The following ZCWPW2 variants were observed in gnomAD, a reference collection of about 807,000 sequenced individuals.
ZCWPW2 encodes the protein zinc finger CW-type and PWWP domain containing 2.
A neutral mutation model predicts 46.6 loss-of-function variants in ZCWPW2; 45 were observed. That is an observed-to-expected ratio of 0.96 (90% CI 0.76 to 1.24). The LOEUF is 1.24. Among genes scored for constraint, ZCWPW2 ranks in the 50% most tolerant of loss-of-function variants. The probability of loss-of-function intolerance (pLI) is 0.00; values close to 1 mark genes in which losing one functional copy is unlikely to be tolerated. For synonymous variants in ZCWPW2, 152 were observed against 137.1 expected (o/e 1.11, Z -0.76); for missense variants, 429 against 403.9 (o/e 1.06, Z -0.53).
At chr3:28,394,711 A>T (rs1039012513) in intron 2 of ZCWPW2, among the ~76,000 whole-genome samples, 1 of 152,152 alleles carries the variant, frequency 6.6e-6, no homozygotes, top group African/African-American at 2.4e-5. Flanking sequence ...TTCACATGCA[A>T]AAGAATTAAA....
At chr3:28,475,901 C>T (rs1699222509) in intron 4 of ZCWPW2, among the ~76,000 whole-genome samples, 1 of 152,218 alleles carries the variant, frequency 6.6e-6, no homozygotes. Flanking sequence ...GCACTTATCA[C>T]CTCTTACACT....
At chr3:28,510,102 A>G (rs2125830772) in intron 6 of ZCWPW2, among the ~76,000 whole-genome samples, 1 of 152,314 alleles carries the variant, frequency 6.6e-6, no homozygotes, top group South Asian at 2.1e-4. Context: ...CCTTTGCTAA[A>G]AATCAGTTGA....
intron 2 of ZCWPW2, among the ~76,000 whole-genome samples, chr3:28,392,940 G>A (rs965297729): frequency 2.0e-5 from 3 of 151,442 alleles, no homozygotes; most frequent in African/African-American, 7.3e-5. Context: ...GGGAAATAAA[G>A]ATTAGTGCAG....
rs747315490 is a variant in ZCWPW2 at position 28,413,038 on chromosome 3, C to T, written c.-13-18C>T. The T allele has an allele frequency of 1.3e-5, 21 of 1,562,544 alleles. No individual in the cohort carries two copies. In the African/African-American group the frequency reaches 2.6e-4, roughly 19 times the overall value. ...CTTGAATCCTCATTCTGTTATTTTC[C>T]TCTTTCTTATTTTCCAGATTAAATG... is the stretch of plus-strand genomic sequence containing the variant. On this transcript the variant is annotated intron_variant, in intron 2 of 9. Coordinates refer to ENST00000383768, the MANE Select transcript of ZCWPW2 (RefSeq NM_001040432.4).
chr3:28,410,194 T>C (rs1696345614), intron 2 of ZCWPW2, among the ~76,000 whole-genome samples: 1 of 152,096 alleles, frequency 6.6e-6, no homozygotes, highest in Non-Finnish European at 1.5e-5. Flanking sequence ...AACATGTATA[T>C]ATTTAATAAG....
intron 2 of ZCWPW2, among the ~76,000 whole-genome samples, chr3:28,401,452 C>T (rs755401873): frequency 2.0e-5 from 3 of 152,032 alleles, no homozygotes; most frequent in African/African-American, 7.3e-5. Context: ...ACTAATAGAC[C>T]TAAGAAATGA....
intron 4 of ZCWPW2, among the ~76,000 whole-genome samples, chr3:28,475,317 T>G (rs981246428): frequency 2.0e-5 from 3 of 152,294 alleles, no homozygotes; most frequent in African/African-American, 7.2e-5. Context: ...CATCAAATTA[T>G]GTCCAGAATC....
chr3:28,484,773 C>G (rs1170931588), intron 5 of ZCWPW2, among the ~76,000 whole-genome samples: 1 of 150,568 alleles, frequency 6.6e-6, no homozygotes, highest in African/African-American at 2.4e-5. Context: ...TTCCTGTCTT[C>G]CTTCTGTCCT....
chr3:28,510,729 G>A (rs1408920488), intron 6 of ZCWPW2, among the ~76,000 whole-genome samples: 1 of 152,042 alleles, frequency 6.6e-6, no homozygotes, highest in Admixed American at 6.6e-5. Flanking sequence ...CTGTTTCACT[G>A]TGCATCAGAG....
At chr3:28,488,684 C>T (rs1254864419) in intron 5 of ZCWPW2, among the ~76,000 whole-genome samples, 1 of 152,114 alleles carries the variant, frequency 6.6e-6, no homozygotes. Flanking sequence ...CATTTACTAC[C>T]TGCAGCTCCT....
chr3:28,459,751 A>G (rs1698557308), intron 4 of ZCWPW2, among the ~76,000 whole-genome samples: 1 of 152,152 alleles, frequency 6.6e-6, no homozygotes, highest in African/African-American at 2.4e-5. Context: ...ATCACACTGT[A>G]TGACTGGCAT....
chr3:28,431,876 G>T (rs1160393209), intron 3 of ZCWPW2, among the ~76,000 whole-genome samples: 2 of 152,144 alleles, frequency 1.3e-5, no homozygotes, highest in Admixed American at 6.6e-5. Context: ...TCACAGTTCA[G>T]CATGGCTGGG....
At chr3:28,352,167 CGA>C (rs1553627187) in intron 1 of ZCWPW2, among the ~76,000 whole-genome samples, 3 of 147,616 alleles carry the variant, frequency 2.0e-5, no homozygotes, top group African/African-American at 7.7e-5. Context: ...CACACACACA[CGA>C]GAGAGAATTA....
At chr3:28,426,993 C>T (rs1319969106) in intron 3 of ZCWPW2, among the ~76,000 whole-genome samples, 3 of 152,292 alleles carry the variant, frequency 2.0e-5, no homozygotes, top group Non-Finnish European at 4.4e-5. Flanking sequence ...TCCCTTGAGC[C>T]TACTTGTCCT....
chr3:28,504,322 A>C (rs1700222568), intron 6 of ZCWPW2, among the ~76,000 whole-genome samples: 1 of 152,140 alleles, frequency 6.6e-6, no homozygotes, highest in African/African-American at 2.4e-5. Flanking sequence ...AACATTTTAA[A>C]AATAATTTTT....
intron 6 of ZCWPW2, chr3:28,511,152 T>G (rs1301339887): frequency 2.3e-6 from 1 of 435,754 alleles, no homozygotes; most frequent in East Asian, 7.0e-5. Flanking sequence ...ATCTGGAAGA[T>G]GAATTGAATT....
intron 4 of ZCWPW2, among the ~76,000 whole-genome samples, chr3:28,441,711 T>C (rs1318528633): frequency 3.9e-5 from 6 of 152,262 alleles, no homozygotes; most frequent in South Asian, 2.1e-4. Context: ...CGATCACATG[T>C]ACCACTTCCA....
At chr3:28,380,242 C>T (rs1005706299) in intron 1 of ZCWPW2, among the ~76,000 whole-genome samples, 2 of 152,062 alleles carry the variant, frequency 1.3e-5, no homozygotes, top group African/African-American at 2.4e-5. Flanking sequence ...CCTTGGCCTC[C>T]CAAAGTGCTG....
At chr3:28,369,436 A>T (rs1280416939) in intron 1 of ZCWPW2, among the ~76,000 whole-genome samples, 1 of 152,062 alleles carries the variant, frequency 6.6e-6, no homozygotes, top group Non-Finnish European at 1.5e-5. Flanking sequence ...GACCCTTTTT[A>T]CCTGGGTATC....
Sources: gnomAD v4.1 joint callset for allele counts (sites outside exome capture counted in the v4.1 genomes callset) on GRCh38, gnomAD v4.1.1 for gene constraint, MANE v1.5 for transcripts, NCBI Gene and HGNC (gene_info 2026-07-23, HGNC 2026-07-21) for gene names.